Variants in BNC2 observed in about 807,000 individuals in gnomAD.
BNC2 encodes zinc finger protein basonuclin-2.
BNC2 carries 20 observed loss-of-function variants against 76.3 expected under a neutral mutation model. That is an observed-to-expected ratio of 0.26 (90% CI 0.18 to 0.38). The LOEUF (loss-of-function observed/expected upper bound fraction) is 0.38, where lower values mean the gene tolerates loss of function less well. BNC2 is among the 10% of genes least tolerant of loss of function. The probability of loss-of-function intolerance (pLI) is 1.00; values close to 1 mark genes in which losing one functional copy is unlikely to be tolerated. For missense variants in BNC2, 1,382 were observed against 1,399.8 expected (o/e 0.99, Z 0.20); for synonymous variants, 582 against 514.8 (o/e 1.13, Z -1.77).
At chr9:16,429,919 TC>T (rs1056322252) in intron 6 of BNC2, 2 of 512,396 alleles carry the variant, frequency 3.9e-6, no homozygotes, top group African/African-American at 3.9e-5. Context: ...ATTAGGAAGA[TC>T]CGAGGCTCAC....
intron 3 of BNC2, among the ~76,000 whole-genome samples, chr9:16,680,775 C>A (rs1822799770): frequency 1.3e-5 from 2 of 151,642 alleles, no homozygotes; most frequent in Admixed American, 1.3e-4. Context: ...CAAGCAGATG[C>A]AAAAGGCTTC....
At position 16,797,382 on chromosome 9, in the gene BNC2, TCC is replaced by T. The variant is rs1300928150; in HGVS notation, c.4-58899_4-58898del. ...GCTCCTCTGTACTATAGATTTGACA[TCC>T]CTCTGAAAATACATATATGCCCCTC... On this transcript the variant is annotated intron_variant, in intron 1 of 6. Coordinates refer to ENST00000380672, the MANE Select transcript of BNC2 (RefSeq NM_017637.6). Among the ~76,000 whole-genome samples, 6 of 152,200 alleles carry T rather than the reference TCC, an allele frequency of 3.9e-5. No homozygotes were observed. The East Asian group carries it at 1.2e-3, about 29-fold the overall frequency.
chr9:16,478,260 A>C (rs1821970010), intron 5 of BNC2, among the ~76,000 whole-genome samples: 2 of 152,126 alleles, frequency 1.3e-5, no homozygotes, highest in South Asian at 4.1e-4. Context: ...TCTCCAGGCC[A>C]AACACTGTCA....
At chr9:16,856,123 G>C (rs1403893916) in intron 1 of BNC2, among the ~76,000 whole-genome samples, 1 of 151,988 alleles carries the variant, frequency 6.6e-6, no homozygotes, top group Non-Finnish European at 1.5e-5. Context: ...CAAAATGAAA[G>C]TACATTAATG....
At chr9:16,674,455 C>A (rs950167280) in intron 3 of BNC2, among the ~76,000 whole-genome samples, 10 of 152,088 alleles carry the variant, frequency 6.6e-5, no homozygotes, top group African/African-American at 1.7e-4. Flanking sequence ...AAAGGAGTAT[C>A]CTGGTGTCAT....
chr9:16,584,478 G>A (rs1376609049), intron 3 of BNC2, among the ~76,000 whole-genome samples: 1 of 151,966 alleles, frequency 6.6e-6, no homozygotes, highest in Non-Finnish European at 1.5e-5. Context: ...ATCCCTATTG[G>A]TTTCAGATGT....
At chr9:16,611,406 C>T (rs890179685) in intron 3 of BNC2, among the ~76,000 whole-genome samples, 2 of 152,070 alleles carry the variant, frequency 1.3e-5, no homozygotes, top group Admixed American at 1.3e-4. Context: ...GGCACAAATG[C>T]CATTTTTAAA....
rs191592553 is a variant in BNC2 at position 16,578,964 on chromosome 9, G to C, written c.433+4019C>G. Among the ~76,000 whole-genome samples, 6 of 152,188 alleles carry C rather than the reference G, an allele frequency of 3.9e-5. No individual in the cohort carries two copies. The East Asian group carries it at 7.7e-4, about 20-fold the overall frequency. On this transcript the variant is annotated intron_variant, in intron 4 of 6. Coordinates refer to ENST00000380672, the MANE Select transcript of BNC2 (RefSeq NM_017637.6). ...CTGGCCCATCAACTAAATTATTACAGACTAGGTATGGCCATCTTTTACCAA... is the reference window on the plus strand; with the variant it reads ...CTGGCCCATCAACTAAATTATTACACACTAGGTATGGCCATCTTTTACCAA...
intron 1 of BNC2, among the ~76,000 whole-genome samples, chr9:16,752,434 C>T (rs1341782589): frequency 6.6e-6 from 1 of 150,592 alleles, no homozygotes; most frequent in African/African-American, 2.4e-5. Flanking sequence ...TGTGTTTGGG[C>T]GGCAGTAGTT....
intron 4 of BNC2, among the ~76,000 whole-genome samples, chr9:16,556,499 G>T (rs566721458): frequency 6.6e-6 from 1 of 152,240 alleles, no homozygotes; most frequent in African/African-American, 2.4e-5. Context: ...GCCAGGCACA[G>T]TGGCTCACAC....
chr9:16,485,259 AAAG>A (rs1822140286), intron 5 of BNC2, among the ~76,000 whole-genome samples: 1 of 152,226 alleles, frequency 6.6e-6, no homozygotes, highest in Non-Finnish European at 1.5e-5. Flanking sequence ...TGAATTGGAA[AAAG>A]AAGCCCTTTC....
At chr9:16,480,838 AC>A (rs894592925) in intron 5 of BNC2, among the ~76,000 whole-genome samples, 63 of 151,726 alleles carry the variant, frequency 4.2e-4, no homozygotes, top group African/African-American at 1.5e-3. Flanking sequence ...GACAAGTGCC[AC>A]CCCCTGCTCC....
In BNC2 at chr9:16,471,622, G is replaced by A. The variant is rs963811953; in HGVS notation, c.670-34098C>T. Among the ~76,000 whole-genome samples the A allele has an allele frequency of 2.6e-5, 4 of 152,180 alleles. 1 individual carries two copies. The highest frequency in any genetic ancestry group is 3.9e-4 in the East Asian group (2 of 5,194). ...CTTTTGATTTTACAGGCCTGTAGGC[G>A]GAAGGGACTTTAGCCTTGTCTCAGA... On this transcript the variant is annotated intron_variant, in intron 5 of 6. Coordinates refer to ENST00000380672, the MANE Select transcript of BNC2 (RefSeq NM_017637.6).
At chr9:16,469,202 GC>G (rs59987611) in intron 5 of BNC2, among the ~76,000 whole-genome samples, 73,889 of 151,874 alleles carry the variant, frequency 0.49, 18,465 homozygotes, top group African/African-American at 0.6. Context: ...AAGTGAACAT[GC>G]TCTCAAACAG....
intron 3 of BNC2, among the ~76,000 whole-genome samples, chr9:16,598,096 G>C (rs1563856515): frequency 6.6e-6 from 1 of 152,076 alleles, no homozygotes; most frequent in African/African-American, 2.4e-5. Flanking sequence ...TAAAATCTTT[G>C]TTACTATTCA....
intron 1 of BNC2, among the ~76,000 whole-genome samples, chr9:16,772,582 A>C (rs1825860389): frequency 6.6e-6 from 1 of 152,120 alleles, no homozygotes; most frequent in Non-Finnish European, 1.5e-5. Flanking sequence ...GGGAAAAAAA[A>C]CCTCACACCT....
chr9:16,705,471 G>A (rs1823640176), intron 3 of BNC2, among the ~76,000 whole-genome samples: 2 of 152,186 alleles, frequency 1.3e-5, no homozygotes, highest in Non-Finnish European at 2.9e-5. Context: ...TGACCAGCTT[G>A]TGAGGCATGT....
At chr9:16,741,863 C>T (rs1299977948) in intron 1 of BNC2, among the ~76,000 whole-genome samples, 1 of 145,900 alleles carries the variant, frequency 6.9e-6, no homozygotes, top group African/African-American at 2.6e-5. Context: ...GAGGCTGAGG[C>T]ACGAGAATCG....
At chr9:16,773,014 G>A (rs921319935) in intron 1 of BNC2, among the ~76,000 whole-genome samples, 13 of 152,144 alleles carry the variant, frequency 8.5e-5, no homozygotes, top group South Asian at 2.1e-4. Flanking sequence ...ATAAGACTCC[G>A]GGTGCAAAGA....
Sources: gnomAD v4.1 joint callset for allele counts (sites outside exome capture counted in the v4.1 genomes callset) on GRCh38, gnomAD v4.1.1 for gene constraint, MANE v1.5 for transcripts, NCBI Gene and HGNC (gene_info 2026-07-23, HGNC 2026-07-21) for gene names.